SCHIP1: variants seen among roughly 807,000 people sequenced by gnomAD.
The protein encoded by SCHIP1 is schwannomin-interacting protein 1.
In SCHIP1, 8 loss-of-function variants were observed where a neutral mutation model predicts 29.7. The observed-to-expected ratio is 0.27, with a 90% CI of 0.16 to 0.49. SCHIP1 has a LOEUF of 0.49. Among genes scored for constraint, SCHIP1 ranks in the 20% least tolerant of loss-of-function variants. The pLI is 0.99. For missense variants in SCHIP1, 193 were observed against 294.6 expected (o/e 0.66, Z 2.52); for synonymous variants, 76 against 94.9 (o/e 0.80, Z 1.16).
chr3:159,668,413 G>A, the SCHIP1 span, among the ~76,000 whole-genome samples: 1 of 144,930 alleles, frequency 6.9e-6, no homozygotes, highest in African/African-American at 2.8e-5. Flanking sequence ...GTCCCATGAA[G>A]GACTTGAGTC....
the SCHIP1 span, among the ~76,000 whole-genome samples, chr3:159,523,835 C>G: frequency 6.6e-6 from 1 of 152,180 alleles, no homozygotes; most frequent in Non-Finnish European, 1.5e-5. Flanking sequence ...CACAATGTAA[C>G]ACACACTCCA....
the SCHIP1 span, among the ~76,000 whole-genome samples, chr3:159,464,320 T>C: frequency 2.0e-5 from 3 of 152,200 alleles, no homozygotes; most frequent in Non-Finnish European, 4.4e-5. Flanking sequence ...TGAGTTCTGG[T>C]GAGCTCTTGG....
chr3:159,575,971 A>T, the SCHIP1 span, among the ~76,000 whole-genome samples: 1 of 152,120 alleles, frequency 6.6e-6, no homozygotes, highest in South Asian at 2.1e-4. Context: ...AGTCTTTCTC[A>T]TATTTCAATG....
chr3:159,569,496 C>T, the SCHIP1 span, among the ~76,000 whole-genome samples: 2 of 152,154 alleles, frequency 1.3e-5, no homozygotes, highest in Admixed American at 6.5e-5. Context: ...AGGACATGAA[C>T]TCATCCTTTT....
chr3:159,585,686 T>C, the SCHIP1 span, among the ~76,000 whole-genome samples: 2 of 152,256 alleles, frequency 1.3e-5, no homozygotes, highest in South Asian at 4.1e-4. Context: ...CACAGAAAGA[T>C]TAATATTTGC....
the SCHIP1 span, among the ~76,000 whole-genome samples, chr3:159,690,030 G>T: frequency 9.9e-5 from 15 of 152,272 alleles, no homozygotes; most frequent in Non-Finnish European, 7.4e-5. Flanking sequence ...TCGCATAGAT[G>T]TTCATCAGGG....
At chr3:159,414,471 T>A in the SCHIP1 span, among the ~76,000 whole-genome samples, 1 of 152,244 alleles carries the variant, frequency 6.6e-6, no homozygotes, top group Non-Finnish European at 1.5e-5. Flanking sequence ...CTCTCCTTTT[T>A]GGGATACCCT....
the SCHIP1 span, among the ~76,000 whole-genome samples, chr3:159,569,953 A>T: frequency 1.3e-5 from 2 of 152,264 alleles, no homozygotes; most frequent in Non-Finnish European, 2.9e-5. Flanking sequence ...GTCTGTTGGC[A>T]GCATAGATGT....
the SCHIP1 span, among the ~76,000 whole-genome samples, chr3:159,704,880 CTTTCTTTCTTTCTTTCTTTCTTTCTTTA>C: frequency 0.11 from 10,501 of 94,100 alleles, 495 homozygotes; most frequent in African/African-American, 0.3. Flanking sequence ...TTCTTTCTTT[CTTTCTTTCTTTCTTTCTTTCTTTCTTTA>C]TTTCTTTCTT....
At chr3:159,439,634 G>A in the SCHIP1 span, among the ~76,000 whole-genome samples, 1 of 152,200 alleles carries the variant, frequency 6.6e-6, no homozygotes. Flanking sequence ...CTAATGATCA[G>A]TGATGTCGAA....
chr3:159,308,420 G>A, the SCHIP1 span, among the ~76,000 whole-genome samples: 12 of 152,026 alleles, frequency 7.9e-5, no homozygotes, highest in Admixed American at 7.2e-4. Flanking sequence ...ACACACATAC[G>A]GAAAAACGCT....
the SCHIP1 span, among the ~76,000 whole-genome samples, chr3:159,493,710 A>G: frequency 1.3e-5 from 2 of 151,826 alleles, no homozygotes; most frequent in African/African-American, 4.8e-5. Context: ...GAAAGTTAAC[A>G]AGGATATCCA....
At chr3:159,631,315 A>G in the SCHIP1 span, among the ~76,000 whole-genome samples, 1 of 152,214 alleles carries the variant, frequency 6.6e-6, no homozygotes, top group Non-Finnish European at 1.5e-5. Context: ...GAATTACTAT[A>G]TGGACCCATA....
the SCHIP1 span, among the ~76,000 whole-genome samples, chr3:159,592,735 T>G: frequency 2.6e-5 from 4 of 152,056 alleles, no homozygotes; most frequent in African/African-American, 9.7e-5. Context: ...TACAGACAAC[T>G]CCTCATAACA....
the SCHIP1 span, among the ~76,000 whole-genome samples, chr3:159,461,183 GA>G: frequency 1.6e-4 from 25 of 152,238 alleles, no homozygotes; most frequent in East Asian, 4.3e-3. Flanking sequence ...TTAGTAAGTG[GA>G]ATGGCCTCTT....
the SCHIP1 span, among the ~76,000 whole-genome samples, chr3:159,712,870 A>G: frequency 2.6e-5 from 4 of 151,406 alleles, no homozygotes; most frequent in African/African-American, 9.7e-5. Flanking sequence ...GAGAGAGAGA[A>G]AGAAAGGCAG....
the SCHIP1 span, among the ~76,000 whole-genome samples, chr3:159,385,041 G>T: frequency 6.6e-6 from 1 of 151,752 alleles, no homozygotes; most frequent in Non-Finnish European, 1.5e-5. Flanking sequence ...TATCAATTTT[G>T]TTGATCCTTT....
At chr3:159,728,936 G>A in the SCHIP1 span, among the ~76,000 whole-genome samples, 6 of 152,194 alleles carry the variant, frequency 3.9e-5, no homozygotes, top group Non-Finnish European at 8.8e-5. Context: ...GATCACCTGA[G>A]GTCAGGAGTT....
chr3:159,860,872 C>T (rs1384357029), intron 1 of SCHIP1, among the ~76,000 whole-genome samples: 1 of 152,148 alleles, frequency 6.6e-6, no homozygotes, highest in Non-Finnish European at 1.5e-5. Context: ...CATTCATCCT[C>T]AGGGGAGTTT....
Sources: allele counts gnomAD v4.1 joint callset (sites outside exome capture counted in the v4.1 genomes callset), GRCh38; gene constraint gnomAD v4.1.1; transcripts MANE v1.5; gene names NCBI Gene and HGNC (gene_info 2026-07-23, HGNC 2026-07-21).